The following STK33 variants were observed in gnomAD, a reference collection of about 807,000 sequenced individuals.
STK33 encodes serine/threonine-protein kinase 33.
In STK33, 52 loss-of-function variants were observed where a neutral mutation model predicts 58.0. The ratio of observed to expected loss-of-function variants is 0.90; its 90% confidence interval spans 0.72 to 1.13. The LOEUF is 1.13. STK33 is among the 50% of genes most tolerant of loss of function. The pLI, the probability that STK33 is intolerant of heterozygous loss-of-function variation, is 0.00. For missense variants in STK33, 630 were observed against 604.2 expected, an observed-to-expected ratio of 1.04 and a Z score of -0.45; for synonymous variants, 215 against 200.1, an observed-to-expected ratio of 1.07 and a Z score of -0.63.
intron 15 of STK33, among the ~76,000 whole-genome samples, 172 bp from the exon 16 acceptor site, chr11:8,392,882 C>T (rs566446854): frequency 5.9e-5 from 9 of 152,210 alleles, no homozygotes; most frequent in Non-Finnish European, 1.2e-4. Flanking sequence ...GATCCTTTTG[C>T]ACCTTTAAGA....
chr11:8,538,366 A>C (rs1955225101), intron 1 of STK33, among the ~76,000 whole-genome samples: 1 of 152,202 alleles, frequency 6.6e-6, no homozygotes, highest in Non-Finnish European at 1.5e-5. Context: ...ATTTGCCTGC[A>C]GTCACACAAC....
chr11:8,337,443 G>A, the STK33 span, among the ~76,000 whole-genome samples: 3 of 152,174 alleles, frequency 2.0e-5, no homozygotes, highest in African/African-American at 7.2e-5. Context: ...AGCCAACAGG[G>A]CCGGCCTAGG....
chr11:8,577,881 T>G (rs1483380982), intron 1 of STK33, among the ~76,000 whole-genome samples: 1 of 152,140 alleles, frequency 6.6e-6, no homozygotes, highest in Non-Finnish European at 1.5e-5. Context: ...CATTTTTATA[T>G]GGTAACTTTC....
At chr11:8,475,414 T>C (rs961156154) in intron 4 of STK33, 3 of 152,304 alleles carry the variant, frequency 2.0e-5, no homozygotes, top group Non-Finnish European at 2.9e-5. Flanking sequence ...CAGTATGAAA[T>C]GTATTTCTTA....
At chr11:8,499,786 T>C (rs1164614190) in intron 1 of STK33, among the ~76,000 whole-genome samples, 1 of 152,182 alleles carries the variant, frequency 6.6e-6, no homozygotes, top group African/African-American at 2.4e-5. Flanking sequence ...TGGATGAAGC[T>C]GGAAACCATC....
Position 8,480,453 on chromosome 11 carries a change from G to C in STK33, c.-304C>G, listed in dbSNP as rs1039507359. 6.6e-6 allele frequency: 1 copy of C among 152,172 alleles called. No homozygotes were observed. The highest frequency in any genetic ancestry group is 2.4e-5 in the African/African-American group (1 of 41,388). 9.4% of individuals were successfully genotyped at this position (152,172 alleles called of 1,614,324 possible). A position where few individuals can be genotyped will look rare whatever the true frequency, so the allele number is the denominator to read the frequency against. Reference sequence around the variant, plus strand: ...AATATTATAATGGGGATCCAGATCAGACCAAACCAGTTACAGCCCTAAAAT... The same window carrying C: ...AATATTATAATGGGGATCCAGATCACACCAAACCAGTTACAGCCCTAAAAT... On this transcript the variant is annotated 5_prime_UTR_variant, in exon 2 of 16. Coordinates refer to ENST00000687296, the MANE Select transcript of STK33 (RefSeq NM_001352389.2).
chr11:8,363,951 C>A, the STK33 span, among the ~76,000 whole-genome samples: 1 of 152,208 alleles, frequency 6.6e-6, no homozygotes, highest in Admixed American at 6.5e-5. Context: ...GTGTCACTTA[C>A]AATACAGGCA....
intron 1 of STK33, among the ~76,000 whole-genome samples, chr11:8,486,108 A>C (rs919025352): frequency 2.0e-5 from 3 of 152,104 alleles, no homozygotes; most frequent in Non-Finnish European, 2.9e-5. Context: ...GACTCCAACT[A>C]AGCCATCTGA....
the STK33 span, among the ~76,000 whole-genome samples, chr11:8,344,495 AGT>A: frequency 1.3e-5 from 2 of 152,352 alleles, no homozygotes; most frequent in African/African-American, 2.4e-5. Context: ...TGTATGAGGT[AGT>A]TACTATATCA....
intron 1 of STK33, among the ~76,000 whole-genome samples, chr11:8,501,919 A>G (rs1370209146): frequency 6.6e-6 from 1 of 152,172 alleles, no homozygotes; most frequent in Non-Finnish European, 1.5e-5. Flanking sequence ...CTGCTAAGTA[A>G]AAGAAGCTAG....
intron 8 of STK33, among the ~76,000 whole-genome samples, chr11:8,460,810 C>A (rs562579948): frequency 2.0e-5 from 3 of 152,228 alleles, no homozygotes; most frequent in Admixed American, 6.5e-5. Flanking sequence ...AAGTCTAAGA[C>A]TGAAAAGGGC....
the STK33 span, among the ~76,000 whole-genome samples, chr11:8,364,491 G>A: frequency 6.6e-6 from 1 of 152,186 alleles, no homozygotes; most frequent in Non-Finnish European, 1.5e-5. Context: ...GATGTGATTG[G>A]TCATTGATCA....
In STK33 at chr11:8,436,158, C is replaced by T. The variant is rs1944039445; in HGVS notation, c.948-19G>A. 6.9e-7 allele frequency: 1 copy of T among 1,439,628 alleles called. No individual in the cohort carries two copies. The highest frequency in any genetic ancestry group is 9.4e-7 in the Non-Finnish European group (1 of 1,064,058). 89.2% of individuals were successfully genotyped at this position (1,439,628 alleles called of 1,614,324 possible). ...ACGTAATCTGCAACAAAGGCAATCA[C>T]TTTGTTTAAATTTTTTAAATAATAA... On this transcript the variant is annotated intron_variant, in intron 12 of 15. Transcript: ENST00000687296.
chr11:8,414,335 A>C (rs1940793977), intron 14 of STK33, among the ~76,000 whole-genome samples: 1 of 152,156 alleles, frequency 6.6e-6, no homozygotes, highest in Non-Finnish European at 1.5e-5. Flanking sequence ...TACCCCATGT[A>C]ATGTGCCAAG....
At chr11:8,390,232 G>A (rs767683213), downstream of STK33, among the ~76,000 whole-genome samples, 2 of 152,072 alleles carry the variant, frequency 1.3e-5, no homozygotes, top group Non-Finnish European at 2.9e-5. Context: ...AAGTTGGAAT[G>A]CGGATCGCTA....
chr11:8,354,708 A>C, the STK33 span, among the ~76,000 whole-genome samples: 1 of 152,232 alleles, frequency 6.6e-6, no homozygotes, highest in Non-Finnish European at 1.5e-5. Flanking sequence ...TCAAACTTGC[A>C]GGGACAAAGG....
At chr11:8,565,220 A>C (rs1207112516) in intron 1 of STK33, among the ~76,000 whole-genome samples, 2 of 152,210 alleles carry the variant, frequency 1.3e-5, no homozygotes, top group Non-Finnish European at 2.9e-5. Flanking sequence ...AATCAGCGCT[A>C]CATGGAGGAT....
At chr11:8,558,290 G>GA (rs1956899238) in intron 1 of STK33, among the ~76,000 whole-genome samples, 1 of 151,992 alleles carries the variant, frequency 6.6e-6, no homozygotes, top group Non-Finnish European at 1.5e-5. Context: ...TCACTATAAG[G>GA]AAATACCTAC....
At chr11:8,420,109 C>T (rs560244554) in intron 14 of STK33, among the ~76,000 whole-genome samples, 19 of 152,036 alleles carry the variant, frequency 1.2e-4, no homozygotes, top group Non-Finnish European at 1.9e-4. Context: ...TGCCCAGCCT[C>T]GACTATTACC....
Sources: allele counts gnomAD v4.1 joint callset (sites outside exome capture counted in the v4.1 genomes callset), GRCh38; gene constraint gnomAD v4.1.1; transcripts MANE v1.5; gene names NCBI Gene and HGNC (gene_info 2026-07-23, HGNC 2026-07-21).